NRXN1: variants seen among roughly 807,000 people sequenced by gnomAD.
NRXN1 encodes neurexin-1.
In NRXN1, 39 loss-of-function variants were observed where a neutral mutation model predicts 150.9. That is an observed-to-expected ratio of 0.26 (90% CI 0.20 to 0.34). The LOEUF (loss-of-function observed/expected upper bound fraction) is 0.34. NRXN1 is among the 10% of genes least tolerant of loss of function. NRXN1 has a pLI of 1.00. For synonymous variants in NRXN1, 924 were observed against 757.0 expected, an observed-to-expected ratio of 1.22 and a Z score of -3.62; for missense variants, 1,815 against 1,949.9, an observed-to-expected ratio of 0.93 and a Z score of 1.30.
At chr2:50,545,461 C>T (rs2105303478) in intron 9 of NRXN1, among the ~76,000 whole-genome samples, 1 of 152,298 alleles carries the variant, frequency 6.6e-6, no homozygotes, top group East Asian at 1.9e-4. Context: ...TAGGGTGCTA[C>T]TGATGCCATA....
intron 2 of NRXN1, among the ~76,000 whole-genome samples, chr2:51,023,135 C>A (rs187329641): frequency 6.6e-6 from 1 of 152,178 alleles, no homozygotes; most frequent in Non-Finnish European, 1.5e-5. Flanking sequence ...GGGTGCTTAA[C>A]AAATGATGTT....
chr2:50,862,400 G>A (rs1676269391), intron 5 of NRXN1, among the ~76,000 whole-genome samples: 1 of 151,942 alleles, frequency 6.6e-6, no homozygotes, highest in African/African-American at 2.4e-5. Context: ...TACATCTTTT[G>A]AAGTCTCTCT....
intron 2 of NRXN1, among the ~76,000 whole-genome samples, chr2:50,979,715 T>C (rs917365906): frequency 6.6e-6 from 1 of 151,786 alleles, no homozygotes; most frequent in Non-Finnish European, 1.5e-5. Flanking sequence ...CTGAACACAC[T>C]GTACTTTCTC....
intron 5 of NRXN1, among the ~76,000 whole-genome samples, chr2:50,633,847 A>G (rs1245333872): frequency 1.3e-5 from 2 of 152,144 alleles, no homozygotes; most frequent in African/African-American, 4.8e-5. Context: ...TAAGTGAGTT[A>G]TATGTGAAAC....
intron 5 of NRXN1, among the ~76,000 whole-genome samples, chr2:50,652,839 C>T (rs996781059): frequency 5.3e-5 from 8 of 152,048 alleles, no homozygotes; most frequent in African/African-American, 1.9e-4. Context: ...CATATATTTA[C>T]TAACACTGGT....
intron 2 of NRXN1, among the ~76,000 whole-genome samples, chr2:50,951,958 T>TAC (rs1691410379): frequency 5.8e-5 from 6 of 103,072 alleles, no homozygotes; most frequent in African/African-American, 2.7e-4. Flanking sequence ...TATATATATA[T>TAC]ATATATTTTT....
intron 5 of NRXN1, among the ~76,000 whole-genome samples, chr2:50,796,748 T>G (rs963118395): frequency 2.0e-5 from 3 of 152,222 alleles, no homozygotes; most frequent in Non-Finnish European, 4.4e-5. Flanking sequence ...CTTTAATTTT[T>G]CATAACAATC....
intron 2 of NRXN1, among the ~76,000 whole-genome samples, chr2:51,003,423 GAT>G (rs1700311562): frequency 6.6e-6 from 1 of 151,942 alleles, no homozygotes; most frequent in African/African-American, 2.4e-5. Context: ...AATGACTAGA[GAT>G]AAATTATGGT....
chr2:50,606,677 T>C (rs1480815966), intron 8 of NRXN1, among the ~76,000 whole-genome samples: 1 of 151,758 alleles, frequency 6.6e-6, no homozygotes. Flanking sequence ...TTTGGCTAGA[T>C]GACATAGTTA....
At chr2:50,963,204 C>G (rs748419004) in intron 2 of NRXN1, among the ~76,000 whole-genome samples, 19 of 151,600 alleles carry the variant, frequency 1.3e-4, no homozygotes, top group Non-Finnish European at 2.5e-4. Context: ...ACAACACTTA[C>G]CAGGATGCTG....
At chr2:50,718,813 A>T (rs1408900777) in intron 5 of NRXN1, among the ~76,000 whole-genome samples, 1 of 152,024 alleles carries the variant, frequency 6.6e-6, no homozygotes, top group Non-Finnish European at 1.5e-5. Context: ...AGCCATTGAC[A>T]TTTGATATTC....
chr2:50,026,568 C>A (rs1182933256), intron 21 of NRXN1, among the ~76,000 whole-genome samples: 1 of 152,114 alleles, frequency 6.6e-6, no homozygotes, highest in Non-Finnish European at 1.5e-5. Context: ...AGTTCAGTTA[C>A]ATCTTAAATA....
chr2:50,140,781 A>T (rs148479666), intron 18 of NRXN1, among the ~76,000 whole-genome samples: 249 of 152,130 alleles, frequency 1.6e-3, no homozygotes, highest in African/African-American at 5.3e-3. Flanking sequence ...CTATGCTTGC[A>T]AATAAAACAC....
intron 18 of NRXN1, among the ~76,000 whole-genome samples, chr2:50,102,200 T>G (rs1359700952): frequency 6.6e-6 from 1 of 152,022 alleles, no homozygotes; most frequent in African/African-American, 2.4e-5. Context: ...CTAATGATTA[T>G]AACTTTTTTC....
At chr2:50,007,530 C>T (rs1684969058) in intron 21 of NRXN1, among the ~76,000 whole-genome samples, 1 of 152,082 alleles carries the variant, frequency 6.6e-6, no homozygotes, top group Non-Finnish European at 1.5e-5. Context: ...TGGTTTCCAG[C>T]TTCATCCATG....
At chr2:50,771,957 T>C (rs1703060862) in intron 5 of NRXN1, among the ~76,000 whole-genome samples, 1 of 152,100 alleles carries the variant, frequency 6.6e-6, no homozygotes, top group Non-Finnish European at 1.5e-5. Flanking sequence ...TCAAGTGCCA[T>C]AGCAGGTAAG....
At chr2:50,671,414 T>A (rs935678772) in intron 5 of NRXN1, among the ~76,000 whole-genome samples, 18 of 151,724 alleles carry the variant, frequency 1.2e-4, no homozygotes, top group Non-Finnish European at 1.3e-4. Context: ...CAAAATTATA[T>A]GATATAATTT....
At chr2:50,969,901 C>A (rs999316171) in intron 2 of NRXN1, among the ~76,000 whole-genome samples, 1 of 152,098 alleles carries the variant, frequency 6.6e-6, no homozygotes, top group African/African-American at 2.4e-5. Context: ...GGAAATTGTC[C>A]ACTTTTATGC....
chr2:50,083,888 G>C (rs1405769905), intron 19 of NRXN1, among the ~76,000 whole-genome samples: 1 of 152,126 alleles, frequency 6.6e-6, no homozygotes, highest in Non-Finnish European at 1.5e-5. Flanking sequence ...CCCTTAGGTA[G>C]ACATAAAGGT....
Sources: allele counts gnomAD v4.1 joint callset (sites outside exome capture counted in the v4.1 genomes callset), GRCh38; gene constraint gnomAD v4.1.1; transcripts MANE v1.5; gene names NCBI Gene and HGNC (gene_info 2026-07-23, HGNC 2026-07-21).